The following OLFML2A variants were observed in gnomAD, a reference collection of about 807,000 sequenced individuals.
The protein encoded by OLFML2A is olfactomedin like 2A.
Under a neutral mutation model 60.9 loss-of-function variants are expected in OLFML2A, and 47 were observed. That is an observed-to-expected ratio of 0.77 (90% CI 0.61 to 0.98). The LOEUF (loss-of-function observed/expected upper bound fraction) is 0.98, where lower values mean the gene tolerates loss of function less well. Ranked by LOEUF, OLFML2A falls within the 50% of genes least tolerant of loss-of-function variation. The pLI is 0.00. For missense variants in OLFML2A, 922 were observed against 879.8 expected (o/e 1.05, Z -0.61); for synonymous variants, 372 against 375.0 (o/e 0.99, Z 0.09).
Position 124,804,354 on chromosome 9 carries a change from T to C in OLFML2A, c.1168+12T>C. The C allele has an allele frequency of 6.6e-7, 1 of 1,504,690 alleles. No homozygotes were observed. Among genetic ancestry groups the C allele is most frequent in the Non-Finnish European group, 8.9e-7 (1 of 1,124,794 alleles). 93.2% of individuals were successfully genotyped at this position (1,504,690 alleles called of 1,614,324 possible). ...AGTCTCCAGCCAAGGTGAGTGAGCC[T>C]CACAGGAGTCAGCACACTGTAGCCT... On this transcript the variant is annotated intron_variant, in intron 6 of 7. Transcript: ENST00000373580.
chr9:124,796,558 C>T (rs34463739), intron 3 of OLFML2A, among the ~76,000 whole-genome samples: 2 of 152,208 alleles, frequency 1.3e-5, no homozygotes, highest in African/African-American at 2.4e-5. Context: ...CCATGGTTTA[C>T]TAAGTGATAA....
At chr9:124,794,589 G>C (rs1841629848) in intron 2 of OLFML2A, among the ~76,000 whole-genome samples, 1 of 152,138 alleles carries the variant, frequency 6.6e-6, no homozygotes, top group Admixed American at 6.5e-5. Context: ...CTGAGGCTCT[G>C]GGGTTGTGGA....
chr9:124,797,923 G>A (rs1408529138), intron 3 of OLFML2A, among the ~76,000 whole-genome samples: 1 of 152,164 alleles, frequency 6.6e-6, no homozygotes, highest in African/African-American at 2.4e-5. Context: ...TGTGGGAGCT[G>A]CTAAAAGTAG....
chr9:124,783,895 G>A (rs1841408263), intron 1 of OLFML2A, among the ~76,000 whole-genome samples: 1 of 152,206 alleles, frequency 6.6e-6, no homozygotes, highest in African/African-American at 2.4e-5. Context: ...GTCACTAGAT[G>A]AAGGGATAGA....
chr9:124,784,961 T>TTTTTTTTTG (rs1841432800), intron 1 of OLFML2A, among the ~76,000 whole-genome samples: 1 of 121,154 alleles, frequency 8.3e-6, no homozygotes, highest in African/African-American at 3.4e-5. Context: ...TTTTTTTTTT[T>TTTTTTTTTG]TTTTTTTTTT....
intron 5 of OLFML2A, 143 bp from the exon 6 acceptor site, chr9:124,803,951 C>A (rs931353505): frequency 8.2e-6 from 7 of 855,710 alleles, no homozygotes; most frequent in South Asian, 1.8e-5. Context: ...CCTTTCACCC[C>A]CCTCCAGGTG....
chr9:124,807,089 A>ATT (rs151131740), intron 6 of OLFML2A, among the ~76,000 whole-genome samples: 1 of 142,494 alleles, frequency 7.0e-6, no homozygotes, highest in Non-Finnish European at 1.5e-5. Flanking sequence ...AATTAAAAAA[A>ATT]TTTTTTTTTT....
Position 124,777,327 on chromosome 9 carries a change from G to C in OLFML2A, c.57G>C (p.Leu19=), listed in dbSNP as rs778585460. The C allele has an allele frequency of 7.7e-7, 1 of 1,294,964 alleles. No individual in the cohort carries two copies. Among genetic ancestry groups the C allele is most frequent in the South Asian group, 2.3e-5 (1 of 42,592 alleles). 80.2% of individuals were successfully genotyped at this position (1,294,964 alleles called of 1,614,324 possible). A position where few individuals can be genotyped will look rare whatever the true frequency, so the allele number is the denominator to read the frequency against. ...TGCTCCTTCTGCCGCTAGTGCTGCT[G>C]CTGAGCGGCCGCCCCACGCGCGCCG... ...RPLLLLPLVL[L]LSGRPTRADS... is the part of the protein sequence containing the mutation. Residue 19 remains leucine (L), a synonymous_variant, in exon 1 of 8, where the codon CTG becomes CTC. Transcript: ENST00000373580. The surrounding 1 kb of genome is among the most constrained non-coding windows in gnomAD (Gnocchi z 6.2).
In OLFML2A at chr9:124,813,487, C is replaced by G. The variant is rs1224894568; in HGVS notation, c.*3075C>G. 1 of 152,166 alleles carries G rather than the reference C, an allele frequency of 6.6e-6. No individual in the cohort carries two copies. Among genetic ancestry groups the G allele is most frequent in the East Asian group, 1.9e-4 (1 of 5,192 alleles). The allele number at this position is 152,166 out of a possible 1,614,324, so 9.4% of individuals were successfully genotyped here. A position where few individuals can be genotyped will look rare whatever the true frequency, so the allele number is the denominator to read the frequency against. ...AGGACATTGAGGAGAAGAGACTTAC[C>G]CAGGCTCACACAGCAGCTCAGCCTG... is the stretch of plus-strand genomic sequence containing the variant. On this transcript the variant is annotated 3_prime_UTR_variant, in exon 8 of 8. Coordinates refer to ENST00000373580, the MANE Select transcript of OLFML2A (RefSeq NM_182487.4).
At chr9:124,786,761 CA>C (rs1251124160) in intron 1 of OLFML2A, among the ~76,000 whole-genome samples, 1 of 143,334 alleles carries the variant, frequency 7.0e-6, no homozygotes, top group African/African-American at 2.6e-5. Flanking sequence ...CACACACACA[CA>C]CACACACACA....
intron 2 of OLFML2A, among the ~76,000 whole-genome samples, chr9:124,787,591 G>T (rs1015134137): frequency 2.0e-5 from 2 of 98,382 alleles, no homozygotes; most frequent in African/African-American, 3.7e-5. Context: ...ACAGAGTCTC[G>T]CTCTGTCACC....
At position 124,787,085 on chromosome 9, in the gene OLFML2A, G is replaced by A; in HGVS notation, c.201G>A (p.Gly67=). The change falls in exon 2 of 8, where the codon GGG becomes GGA. Residue 67 remains glycine (G), a synonymous_variant. Transcript: ENST00000373580. ...ACGCGTGTAGCCGAGTGCGCAGTGG[G>A]CGGGCACGCGTGGAGGACTTCTACA... ...SKDACSRVRS[G]RARVEDFYTV... is the part of the protein sequence containing the mutation. The A allele has an allele frequency of 6.2e-7, 1 of 1,614,142 alleles. No individual in the cohort carries two copies. Among genetic ancestry groups the A allele is most frequent in the Non-Finnish European group, 8.5e-7 (1 of 1,180,050 alleles).
At chr9:124,794,721 A>G (rs538101875) in intron 2 of OLFML2A, among the ~76,000 whole-genome samples, 1 of 152,260 alleles carries the variant, frequency 6.6e-6, no homozygotes, top group African/African-American at 2.4e-5. Context: ...TTCTGGGTTC[A>G]AGCAATTCTC....
At chr9:124,802,438 G>A (rs919543033) in intron 5 of OLFML2A, among the ~76,000 whole-genome samples, 1 of 152,254 alleles carries the variant, frequency 6.6e-6, no homozygotes, top group African/African-American at 2.4e-5. Context: ...GGCGCAAGGA[G>A]GTGAAACAGT....
At chr9:124,781,789 G>A (rs1362722106) in intron 1 of OLFML2A, among the ~76,000 whole-genome samples, 4 of 149,346 alleles carry the variant, frequency 2.7e-5, no homozygotes, top group Non-Finnish European at 5.9e-5. Flanking sequence ...GCAAGAATCC[G>A]GCCAAAAAAA....
At chr9:124,803,991 C>A in intron 5 of OLFML2A, 103 bp from the exon 6 acceptor site, 1 of 1,350,016 alleles carries the variant, frequency 7.4e-7, no homozygotes, top group Non-Finnish European at 1.0e-6. Context: ...CCTCCCCCTC[C>A]ACTCCCTGAG....
At chr9:124,808,873 A>G (rs1370147291) in intron 7 of OLFML2A, among the ~76,000 whole-genome samples, 2 of 152,028 alleles carry the variant, frequency 1.3e-5, no homozygotes, top group African/African-American at 4.8e-5. Flanking sequence ...GGCCTGGAAC[A>G]GGCCGGGCGT....
intron 2 of OLFML2A, among the ~76,000 whole-genome samples, chr9:124,794,471 G>A (rs1841626300): frequency 1.3e-5 from 2 of 152,148 alleles, no homozygotes; most frequent in African/African-American, 2.4e-5. Flanking sequence ...AAAGCCCCTA[G>A]CACAGCGCCT....
At position 124,787,038 on chromosome 9, in the gene OLFML2A, A is replaced by G. The variant is rs779448921; in HGVS notation, c.154A>G (p.Ile52Val). The change falls in exon 2 of 8, where the codon ATC becomes GTC. Residue 52 changes from isoleucine (I) to valine (V), a missense_variant. Coordinates refer to ENST00000373580, the MANE Select transcript of OLFML2A (RefSeq NM_182487.4). ...SEGSDCRCKC[I>V]MRPLSKDACS... ...GGGCTCCGACTGCCGTTGCAAGTGC[A>G]TCATGCGGCCCCTGAGCAAGGACGC... 23 of 1,614,048 alleles carry G rather than the reference A, an allele frequency of 1.4e-5. No homozygotes were observed. The highest frequency in any genetic ancestry group is 1.8e-5 in the Non-Finnish European group (21 of 1,180,014).
Sources: gnomAD v4.1 joint callset for allele counts (sites outside exome capture counted in the v4.1 genomes callset) on GRCh38, gnomAD v4.1.1 for gene constraint, Gnocchi (gnomAD v3.1) non-coding constraint, MANE v1.5 for transcripts, NCBI Gene and HGNC (gene_info 2026-07-23, HGNC 2026-07-21) for gene names.